MBD5: variants seen among roughly 807,000 people sequenced by gnomAD.
MBD5 encodes methyl-CpG-binding domain protein 5.
In MBD5, 13 loss-of-function variants were observed where a neutral mutation model predicts 117.3. The ratio of observed to expected loss-of-function variants is 0.11; its 90% CI spans 0.07 to 0.18. The LOEUF is 0.18. Among genes scored for constraint, MBD5 ranks in the 10% least tolerant of loss-of-function variants. The pLI is 1.00. For synonymous variants in MBD5, 727 were observed against 766.4 expected, an observed-to-expected ratio of 0.95 and a Z score of 0.85; for missense variants, 1,879 against 2,093.8, an observed-to-expected ratio of 0.90 and a Z score of 2.00.
At chr2:148,072,997 C>G (rs1573983703) in intron 1 of MBD5, among the ~76,000 whole-genome samples, 2 of 152,254 alleles carry the variant, frequency 1.3e-5, no homozygotes, top group East Asian at 3.9e-4. Context: ...TGATAGACAG[C>G]TGGTGGGTTA....
intron 4 of MBD5, among the ~76,000 whole-genome samples, chr2:148,439,556 A>G (rs961054691): frequency 6.6e-6 from 1 of 152,130 alleles, no homozygotes; most frequent in Non-Finnish European, 1.5e-5. Flanking sequence ...CTGCTGGACC[A>G]TTTTAATTGC....
At chr2:148,093,303 T>C (rs1426135678) in intron 1 of MBD5, among the ~76,000 whole-genome samples, 1 of 152,218 alleles carries the variant, frequency 6.6e-6, no homozygotes, top group African/African-American at 2.4e-5. Flanking sequence ...ACTATGTCAT[T>C]AATGCTGCTT....
At chr2:148,173,743 T>G (rs548618959) in intron 1 of MBD5, among the ~76,000 whole-genome samples, 2 of 152,222 alleles carry the variant, frequency 1.3e-5, no homozygotes, top group African/African-American at 4.8e-5. Context: ...TAAATCTAAC[T>G]ACACAGGTTC....
At chr2:148,135,490 A>C (rs2105496054) in intron 1 of MBD5, among the ~76,000 whole-genome samples, 1 of 152,298 alleles carries the variant, frequency 6.6e-6, no homozygotes, top group Admixed American at 6.5e-5. Flanking sequence ...AATATGTTTT[A>C]AAGTTGATCA....
chr2:148,140,095 T>A (rs1374925502), intron 1 of MBD5, among the ~76,000 whole-genome samples: 1 of 152,198 alleles, frequency 6.6e-6, no homozygotes, highest in Non-Finnish European at 1.5e-5. Context: ...CCAGAGAAAT[T>A]AAAGGATTTC....
chr2:148,335,445 C>T (rs949437557), intron 3 of MBD5, among the ~76,000 whole-genome samples: 1 of 151,984 alleles, frequency 6.6e-6, no homozygotes, highest in African/African-American at 2.4e-5. Context: ...AAAGGCTGAG[C>T]ATGGGGCTCA....
intron 4 of MBD5, among the ~76,000 whole-genome samples, chr2:148,359,010 C>T (rs1574331121): frequency 6.6e-6 from 1 of 151,074 alleles, no homozygotes; most frequent in Non-Finnish European, 1.5e-5. Context: ...GCCTGTAATC[C>T]CAGCACTTTG....
chr2:148,422,925 A>C (rs1214408910), intron 4 of MBD5, among the ~76,000 whole-genome samples: 1 of 152,186 alleles, frequency 6.6e-6, no homozygotes, highest in Non-Finnish European at 1.5e-5. Flanking sequence ...GAAACATGGG[A>C]CTATGTGCAA....
intron 1 of MBD5, among the ~76,000 whole-genome samples, chr2:148,078,218 A>G (rs1347499907): frequency 1.3e-5 from 2 of 152,066 alleles, no homozygotes; most frequent in African/African-American, 4.8e-5. Flanking sequence ...GAACAAGTGT[A>G]TTTTTCCAAG....
chr2:148,379,723 A>C (rs1704081771), intron 4 of MBD5, among the ~76,000 whole-genome samples: 1 of 152,102 alleles, frequency 6.6e-6, no homozygotes, highest in African/African-American at 2.4e-5. Context: ...AAAATGTTAG[A>C]CAAAAATTGC....
chr2:148,320,791 T>C (rs1702263796), intron 3 of MBD5, among the ~76,000 whole-genome samples: 2 of 152,222 alleles, frequency 1.3e-5, no homozygotes, highest in South Asian at 4.1e-4. Context: ...TTTTTGAGCA[T>C]ATAGTTGTTC....
At position 148,021,490 on chromosome 2, in the gene MBD5, C is replaced by T. The variant is rs1039949390; in HGVS notation, c.-1119C>T. 29 of 576,954 alleles carry T rather than the reference C, an allele frequency of 5.0e-5. No individual in the cohort carries two copies. Among genetic ancestry groups the T allele is most frequent in the Non-Finnish European group, 8.3e-5 (25 of 300,290 alleles). 35.7% of individuals were successfully genotyped at this position (576,954 alleles called of 1,614,324 possible). On this transcript the variant is annotated 5_prime_UTR_variant, in exon 1 of 14. Transcript: ENST00000642680. ...GCTGCTGCTGCTGCTGTTGCTGCTGCTGCTGCTACTGCTGCTGCTGCTACT... is the reference window on the plus strand; with the variant it reads ...GCTGCTGCTGCTGCTGTTGCTGCTGTTGCTGCTACTGCTGCTGCTGCTACT...
rs528617640 is a variant in MBD5, at chr2:148,259,427, A to G, written c.-680+26032A>G. On this transcript the variant is annotated intron_variant, in intron 3 of 13. Coordinates refer to ENST00000642680, the MANE Select transcript of MBD5 (RefSeq NM_001378120.1). Reference sequence around the variant, plus strand: ...TCTGCCCATGTTTCCCTCAGAGCCCATCCAAGCAGCACAGCTGCCACCGTG... The same window carrying G: ...TCTGCCCATGTTTCCCTCAGAGCCCGTCCAAGCAGCACAGCTGCCACCGTG... Among the ~76,000 whole-genome samples, 7 of 152,266 alleles carry G rather than the reference A, an allele frequency of 4.6e-5. No homozygotes were observed. In the South Asian group the frequency reaches 1.2e-3, roughly 27 times the overall value.
In MBD5 at chr2:148,342,298, C is replaced by T. The variant is rs1702966060; in HGVS notation, c.-595C>T. On this transcript the variant is annotated 5_prime_UTR_variant, in exon 4 of 14. Coordinates refer to ENST00000642680, the MANE Select transcript of MBD5 (RefSeq NM_001378120.1). The stretch of plus-strand genomic sequence containing the variant: ...GCCTCCATTACACTGCTGAGTCACA[C>T]ACAACGCTTGTTATGTTTTCATCAC... The T allele has an allele frequency of 6.6e-6, 1 of 152,022 alleles. No homozygotes were observed. The highest frequency in any genetic ancestry group is 1.5e-5 in the Non-Finnish European group (1 of 67,962). The allele number at this position is 152,022 out of a possible 1,614,324, so 9.4% of individuals were successfully genotyped here.
At chr2:148,273,692 T>A (rs770687637) in intron 3 of MBD5, among the ~76,000 whole-genome samples, 1 of 152,162 alleles carries the variant, frequency 6.6e-6, no homozygotes, top group South Asian at 2.1e-4. Flanking sequence ...AGACACCAAA[T>A]TCTCCCTGGA....
chr2:148,464,029 C>A, intron 7 of MBD5, 110 bp downstream of exon 7: 1 of 1,082,870 alleles, frequency 9.2e-7, no homozygotes, highest in Non-Finnish European at 1.3e-6. Context: ...ACGCACAATG[C>A]TTTTAAAATT....
At chr2:148,442,762 A>G (rs1222524862) in intron 4 of MBD5, among the ~76,000 whole-genome samples, 1 of 151,362 alleles carries the variant, frequency 6.6e-6, no homozygotes, top group African/African-American at 2.5e-5. Context: ...TGGATCAAAG[A>G]CTCAGATATC....
At chr2:148,312,147 G>A (rs1326254371) in intron 3 of MBD5, among the ~76,000 whole-genome samples, 1 of 152,116 alleles carries the variant, frequency 6.6e-6, no homozygotes, top group Non-Finnish European at 1.5e-5. Context: ...TCTTCTCAAG[G>A]AGTATCTTTG....
chr2:148,248,539 A>G (rs967388968), intron 3 of MBD5, among the ~76,000 whole-genome samples: 1 of 152,160 alleles, frequency 6.6e-6, no homozygotes, highest in South Asian at 2.1e-4. Context: ...TTACTGTCAA[A>G]AATTAAAAAC....
Sources: allele counts gnomAD v4.1 joint callset (sites outside exome capture counted in the v4.1 genomes callset), GRCh38; gene constraint gnomAD v4.1.1; transcripts MANE v1.5; gene names NCBI Gene and HGNC (gene_info 2026-07-23, HGNC 2026-07-21).